SORCS1: variants seen among roughly 807,000 people sequenced by gnomAD.
SORCS1 encodes sortilin related VPS10 domain containing receptor 1, also known as VPS10 domain-containing receptor SorCS1.
SORCS1 carries 60 observed loss-of-function variants against 146.1 expected under a neutral mutation model. The observed-to-expected ratio is 0.41, with a 90% CI of 0.33 to 0.51. The LOEUF (loss-of-function observed/expected upper bound fraction) is 0.51, where lower values mean the gene tolerates loss of function less well. Ranked by LOEUF, SORCS1 falls within the 20% of genes least tolerant of loss-of-function variation. The probability of loss-of-function intolerance (pLI) is 0.21; values close to 1 mark genes in which losing one functional copy is unlikely to be tolerated. For missense variants in SORCS1, 1,352 were observed against 1,487.6 expected, an observed-to-expected ratio of 0.91 and a Z score of 1.50; for synonymous variants, 637 against 584.0, an observed-to-expected ratio of 1.09 and a Z score of -1.31.
chr10:107,059,791 T>C (rs1961002819), intron 1 of SORCS1, among the ~76,000 whole-genome samples: 1 of 151,984 alleles, frequency 6.6e-6, no homozygotes, highest in South Asian at 2.1e-4. Context: ...CACATCCTTC[T>C]ACCATCAAGC....
At chr10:107,175,355 G>C in the SORCS1 span, among the ~76,000 whole-genome samples, 2 of 152,180 alleles carry the variant, frequency 1.3e-5, no homozygotes, top group Non-Finnish European at 2.9e-5. Context: ...TTGTTTGAAT[G>C]AAATAACCAC....
chr10:107,086,796 A>T (rs990308808), intron 1 of SORCS1, among the ~76,000 whole-genome samples: 3 of 152,212 alleles, frequency 2.0e-5, no homozygotes, highest in Non-Finnish European at 4.4e-5. Flanking sequence ...TTGGGAGGCC[A>T]AGGCAGGTGG....
At chr10:106,592,750 C>T (rs1589682297) in intron 24 of SORCS1, among the ~76,000 whole-genome samples, 1 of 150,952 alleles carries the variant, frequency 6.6e-6, no homozygotes, top group Admixed American at 6.6e-5. Context: ...GGAAGTTCTA[C>T]ATCTAATACT....
intron 1 of SORCS1, among the ~76,000 whole-genome samples, chr10:106,958,332 A>G (rs941076644): frequency 2.0e-5 from 3 of 152,198 alleles, no homozygotes; most frequent in African/African-American, 7.2e-5. Context: ...GATTTCCTGA[A>G]TTCTTCTCTG....
intron 1 of SORCS1, among the ~76,000 whole-genome samples, chr10:107,050,946 C>T (rs1473710647): frequency 6.6e-6 from 1 of 152,018 alleles, no homozygotes; most frequent in African/African-American, 2.4e-5. Context: ...TTCATTAAAT[C>T]GTTTAATATA....
At chr10:106,772,400 T>C (rs1320449551) in intron 4 of SORCS1, among the ~76,000 whole-genome samples, 3 of 152,096 alleles carry the variant, frequency 2.0e-5, no homozygotes, top group African/African-American at 7.2e-5. Flanking sequence ...AGATGGCAGA[T>C]CTTGGGACTT....
At chr10:106,725,894 G>A (rs1214528835) in intron 6 of SORCS1, among the ~76,000 whole-genome samples, 1 of 148,704 alleles carries the variant, frequency 6.7e-6, no homozygotes, top group African/African-American at 2.5e-5. Flanking sequence ...TGGTGCCAGT[G>A]CACTCCAGAC....
intron 1 of SORCS1, among the ~76,000 whole-genome samples, chr10:107,038,695 G>GT (rs1959024154): frequency 4.5e-5 from 3 of 66,866 alleles, no homozygotes; most frequent in African/African-American, 3.1e-4. Flanking sequence ...TGGGCAGGGG[G>GT]CGGGGGGGGA....
intron 2 of SORCS1, among the ~76,000 whole-genome samples, chr10:106,850,381 G>A (rs377156800): frequency 6.6e-6 from 1 of 151,742 alleles, no homozygotes; most frequent in Admixed American, 6.6e-5. Flanking sequence ...TCTTTGACTC[G>A]GAAAGGGAAC....
intron 1 of SORCS1, among the ~76,000 whole-genome samples, chr10:107,038,705 A>C (rs561928541): frequency 1.4e-5 from 2 of 144,116 alleles, no homozygotes; most frequent in East Asian, 2.0e-4. Context: ...GCGGGGGGGG[A>C]GGTGGTAGTG....
At chr10:106,964,491 T>C (rs1955404961) in intron 1 of SORCS1, among the ~76,000 whole-genome samples, 3 of 150,788 alleles carry the variant, frequency 2.0e-5, no homozygotes, top group South Asian at 2.1e-4. Flanking sequence ...TATTTTATTT[T>C]ATTTTAACTT....
At chr10:106,992,234 G>T (rs1167437049) in intron 1 of SORCS1, among the ~76,000 whole-genome samples, 1 of 152,030 alleles carries the variant, frequency 6.6e-6, no homozygotes, top group Non-Finnish European at 1.5e-5. Context: ...CCTGACTTCC[G>T]TATATTCGTC....
chr10:106,730,305 A>G (rs983557424), intron 5 of SORCS1, among the ~76,000 whole-genome samples, 191 bp from the exon 6 acceptor site: 12 of 152,260 alleles, frequency 7.9e-5, no homozygotes, highest in Non-Finnish European at 1.5e-4. Flanking sequence ...AATGATAATG[A>G]AAACTACATT....
chr10:106,718,764 AC>A (rs1379436176), intron 6 of SORCS1, among the ~76,000 whole-genome samples: 1 of 151,962 alleles, frequency 6.6e-6, no homozygotes, highest in Non-Finnish European at 1.5e-5. Flanking sequence ...GCACTTACAA[AC>A]CTTTGGCTAG....
At chr10:107,124,526 A>G (rs915701303) in intron 1 of SORCS1, among the ~76,000 whole-genome samples, 1 of 152,304 alleles carries the variant, frequency 6.6e-6, no homozygotes, top group East Asian at 1.9e-4. Context: ...AACTGAGCAC[A>G]GAAAACTGAA....
intron 3 of SORCS1, among the ~76,000 whole-genome samples, chr10:106,815,567 C>T (rs1947697087): frequency 6.6e-6 from 1 of 152,102 alleles, no homozygotes; most frequent in Admixed American, 6.6e-5. Flanking sequence ...CCACTGGTAC[C>T]TGGGTAAGAG....
At chr10:106,780,823 G>C (rs981564953) in intron 3 of SORCS1, among the ~76,000 whole-genome samples, 3 of 152,122 alleles carry the variant, frequency 2.0e-5, no homozygotes, top group Non-Finnish European at 4.4e-5. Flanking sequence ...TGTTTCCATA[G>C]AAAGTCAATA....
At chr10:107,137,857 C>T (rs1967458150) in intron 1 of SORCS1, among the ~76,000 whole-genome samples, 1 of 139,900 alleles carries the variant, frequency 7.1e-6, no homozygotes, top group Admixed American at 7.1e-5. Flanking sequence ...AGCGAAACTC[C>T]GTCTCAAAAA....
chr10:107,138,266 T>G (rs1334057514), intron 1 of SORCS1, among the ~76,000 whole-genome samples: 1 of 152,220 alleles, frequency 6.6e-6, no homozygotes, highest in African/African-American at 2.4e-5. Flanking sequence ...AGTTCATTCT[T>G]TACTTAAAAT....
Sources: gnomAD v4.1 joint callset for allele counts (sites outside exome capture counted in the v4.1 genomes callset) on GRCh38, gnomAD v4.1.1 for gene constraint, MANE v1.5 for transcripts, NCBI Gene and HGNC (gene_info 2026-07-23, HGNC 2026-07-21) for gene names.